The following ASXL2 variants were observed in gnomAD, a reference collection of about 807,000 sequenced individuals.
The protein encoded by ASXL2 is putative Polycomb group protein ASXL2.
Under a neutral mutation model 122.0 loss-of-function variants are expected in ASXL2, and 23 were observed. The observed-to-expected ratio is 0.19, with a 90% CI of 0.14 to 0.27. ASXL2 has a LOEUF of 0.27. ASXL2 is among the 10% of genes least tolerant of loss of function. The pLI, the probability that ASXL2 is intolerant of heterozygous loss-of-function variation, is 1.00. For synonymous variants in ASXL2, 650 were observed against 637.0 expected, an observed-to-expected ratio of 1.02 and a Z score of -0.31; for missense variants, 1,518 against 1,713.8, an observed-to-expected ratio of 0.89 and a Z score of 2.02.
At chr2:25,851,690 T>A (rs1299501781) in intron 1 of ASXL2, among the ~76,000 whole-genome samples, 2 of 152,122 alleles carry the variant, frequency 1.3e-5, no homozygotes, top group Non-Finnish European at 2.9e-5. Flanking sequence ...GGCTCAGTCA[T>A]GACCAGCCTG....
rs988692785 is a variant in ASXL2 at position 25,734,750 on chromosome 2, C to T, written c.*7279G>A. 6.6e-5 allele frequency: 10 copies of T among 152,130 alleles called. No homozygotes were observed. The highest frequency in any genetic ancestry group is 2.4e-4 in the African/African-American group (10 of 41,426). The allele number at this position is 152,130 out of a possible 1,614,324, so 9.4% of individuals were successfully genotyped here. On this transcript the variant is annotated 3_prime_UTR_variant, in exon 13 of 13. Coordinates refer to ENST00000435504, the MANE Select transcript of ASXL2 (RefSeq NM_018263.6). ...CAGATGGAGGTGCACAGCCCTAAATCCTGATTAGTGGCAAAAGCCACCACA... is the reference window on the plus strand; with the variant it reads ...CAGATGGAGGTGCACAGCCCTAAATTCTGATTAGTGGCAAAAGCCACCACA...
At chr2:25,766,394 A>AC (rs1207600127) in intron 8 of ASXL2, among the ~76,000 whole-genome samples, 2 of 152,172 alleles carry the variant, frequency 1.3e-5, no homozygotes, top group African/African-American at 4.8e-5. Flanking sequence ...TGATAGTCCT[A>AC]CTATGTGAGA....
intron 2 of ASXL2, among the ~76,000 whole-genome samples, chr2:25,844,647 T>A (rs2089629147): frequency 6.9e-6 from 1 of 145,556 alleles, no homozygotes; most frequent in Admixed American, 6.8e-5. Context: ...AGTATTACTG[T>A]AATTTTTTTT....
At chr2:25,765,006 ATT>A (rs1184806065) in intron 8 of ASXL2, among the ~76,000 whole-genome samples, 7 of 152,210 alleles carry the variant, frequency 4.6e-5, no homozygotes, top group Admixed American at 2.0e-4. Flanking sequence ...AATCTATTAT[ATT>A]ATACTTGAAA....
intron 3 of ASXL2, among the ~76,000 whole-genome samples, chr2:25,822,264 C>G (rs2089320886): frequency 6.6e-6 from 1 of 152,230 alleles, no homozygotes; most frequent in South Asian, 2.1e-4. Context: ...TCTCTTCTCC[C>G]CGACCGGAGG....
At chr2:25,868,635 A>G (rs2089929475) in intron 1 of ASXL2, among the ~76,000 whole-genome samples, 1 of 152,240 alleles carries the variant, frequency 6.6e-6, no homozygotes, top group African/African-American at 2.4e-5. Context: ...GGTGTGTCTT[A>G]GCATAATTTT....
rs1201553068 is a variant in ASXL2, at chr2:25,737,163, G to A, written c.*4866C>T. 2.6e-5 allele frequency: 4 copies of A among 151,594 alleles called. No individual in the cohort carries two copies. The highest frequency in any genetic ancestry group is 9.7e-5 in the African/African-American group (4 of 41,224). The allele number at this position is 151,594 out of a possible 1,614,324, so 9.4% of individuals were successfully genotyped here. A position where few individuals can be genotyped will look rare whatever the true frequency, so the allele number is the denominator to read the frequency against. On this transcript the variant is annotated 3_prime_UTR_variant, in exon 13 of 13. Transcript: ENST00000435504. ...GCTCTTTGACCTCTCCAGATTAGAC[G>A]GGCAGGAAGGACATGACTGGCTATG... is the stretch of plus-strand genomic sequence containing the variant.
intron 1 of ASXL2, among the ~76,000 whole-genome samples, chr2:25,857,929 G>A (rs1343135197): frequency 3.3e-5 from 5 of 152,096 alleles, no homozygotes; most frequent in African/African-American, 1.2e-4. Context: ...CTGGAGTGCA[G>A]TGGCGCGGTC....
intron 1 of ASXL2, among the ~76,000 whole-genome samples, chr2:25,856,260 T>C (rs1342086245): frequency 6.6e-6 from 1 of 151,182 alleles, no homozygotes; most frequent in East Asian, 1.9e-4. Flanking sequence ...TTTCACCATG[T>C]CGGCCAGGCT....
chr2:25,747,025 C>A (rs2087954559), intron 12 of ASXL2, among the ~76,000 whole-genome samples: 1 of 152,118 alleles, frequency 6.6e-6, no homozygotes, highest in African/African-American at 2.4e-5. Flanking sequence ...CATATCTTCC[C>A]ATATATTTTA....
intron 5 of ASXL2, among the ~76,000 whole-genome samples, chr2:25,785,967 G>C (rs2088737293): frequency 6.6e-6 from 1 of 152,132 alleles, no homozygotes; most frequent in Admixed American, 6.6e-5. Flanking sequence ...GCAAACCTTA[G>C]AGTTAAACGC....
chr2:25,793,569 T>C lies in ASXL2; in HGVS notation c.403+5816A>G, dbSNP rs146758075. Among the ~76,000 whole-genome samples, 11 of 152,334 alleles carry C rather than the reference T, an allele frequency of 7.2e-5. No individual in the cohort carries two copies. The East Asian group carries it at 2.1e-3, about 29-fold the overall frequency. On this transcript the variant is annotated intron_variant, in intron 5 of 12. Coordinates refer to ENST00000435504, the MANE Select transcript of ASXL2 (RefSeq NM_018263.6). ...GAAGTATTAGGGAGAGATCAGACAC[T>C]GAAGGATTGGTAACAAAATTGAAAC...
intron 6 of ASXL2, among the ~76,000 whole-genome samples, chr2:25,769,154 A>G (rs564481557): frequency 6.6e-6 from 1 of 152,326 alleles, no homozygotes; most frequent in South Asian, 2.1e-4. Flanking sequence ...CTTTATATAA[A>G]TGTGAAAAAG....
At chr2:25,842,139 A>C (rs1200123246) in intron 2 of ASXL2, among the ~76,000 whole-genome samples, 2 of 151,984 alleles carry the variant, frequency 1.3e-5, no homozygotes, top group South Asian at 2.1e-4. Context: ...AAAAAAAGAA[A>C]AGAACACAGA....
At chr2:25,762,970 G>C (rs1468926491) in intron 8 of ASXL2, among the ~76,000 whole-genome samples, 5 of 152,114 alleles carry the variant, frequency 3.3e-5, no homozygotes, top group African/African-American at 1.2e-4. Context: ...GATACTTTTA[G>C]TAAAAAGACT....
intron 1 of ASXL2, among the ~76,000 whole-genome samples, chr2:25,862,672 T>C (rs967551516): frequency 6.6e-6 from 1 of 152,158 alleles, no homozygotes; most frequent in African/African-American, 2.4e-5. Context: ...TGATCTCAGC[T>C]CACTGCAACC....
At chr2:25,774,784 ATGTT>A (rs1309087398) in intron 5 of ASXL2, among the ~76,000 whole-genome samples, 2 of 152,190 alleles carry the variant, frequency 1.3e-5, no homozygotes, top group Admixed American at 6.5e-5. Flanking sequence ...GTTTTCCAAA[ATGTT>A]TGTACAAAAT....
chr2:25,856,146 T>A (rs1367503658), intron 1 of ASXL2, among the ~76,000 whole-genome samples: 1 of 151,882 alleles, frequency 6.6e-6, no homozygotes, highest in African/African-American at 2.4e-5. Flanking sequence ...AACCTCCGCC[T>A]CCTGGGTTCA....
chr2:25,875,503 T>G (rs754892184), intron 1 of ASXL2, among the ~76,000 whole-genome samples: 1 of 151,798 alleles, frequency 6.6e-6, no homozygotes, highest in Admixed American at 6.6e-5. Context: ...ATAATAATAA[T>G]GATAATAATT....
Sources: gnomAD v4.1 joint callset for allele counts (sites outside exome capture counted in the v4.1 genomes callset) on GRCh38, gnomAD v4.1.1 for gene constraint, MANE v1.5 for transcripts, NCBI Gene and HGNC (gene_info 2026-07-23, HGNC 2026-07-21) for gene names.